Variants in PRKCB observed in about 807,000 individuals in gnomAD.
PRKCB encodes protein kinase C beta type.
A neutral mutation model predicts 81.5 loss-of-function variants in PRKCB; 13 were observed. The ratio of observed to expected loss-of-function variants is 0.16; its 90% CI spans 0.10 to 0.25. The LOEUF is 0.25. Ranked by LOEUF, PRKCB falls within the 10% of genes least tolerant of loss-of-function variation. The probability of loss-of-function intolerance (pLI) is 1.00; values close to 1 mark genes in which losing one functional copy is unlikely to be tolerated. For synonymous variants in PRKCB, 335 were observed against 321.4 expected (o/e 1.04, Z -0.45); for missense variants, 509 against 875.7 (o/e 0.58, Z 5.29).
intron 3 of PRKCB, among the ~76,000 whole-genome samples, chr16:24,002,320 T>C (rs1567340362): frequency 4.0e-5 from 5 of 125,094 alleles, no homozygotes; most frequent in African/African-American, 1.4e-4. Context: ...TGTATGTGTG[T>C]GTGCGTGCGT....
chr16:24,023,257 A>G (rs1021385), intron 3 of PRKCB, among the ~76,000 whole-genome samples: 112,156 of 152,172 alleles, frequency 0.74, 42,009 homozygotes, highest in African/African-American at 0.86. Context: ...AACCCCATAG[A>G]GGGAGTGATG....
chr16:24,095,621 A>G (rs1193417454), intron 7 of PRKCB, among the ~76,000 whole-genome samples: 1 of 152,226 alleles, frequency 6.6e-6, no homozygotes, highest in Non-Finnish European at 1.5e-5. Context: ...AGCAGAATTC[A>G]GGCTCCTTTC....
intron 2 of PRKCB, among the ~76,000 whole-genome samples, chr16:23,855,206 A>T (rs1399237593): frequency 6.6e-6 from 1 of 152,074 alleles, no homozygotes; most frequent in Non-Finnish European, 1.5e-5. Context: ...AGTTCTTGCA[A>T]CACAGTGTGG....
intron 3 of PRKCB, among the ~76,000 whole-genome samples, chr16:24,003,655 G>C (rs1965071669): frequency 6.6e-6 from 1 of 152,080 alleles, no homozygotes; most frequent in African/African-American, 2.4e-5. Context: ...AAAGTGCTAG[G>C]ATTACAGGCG....
At chr16:24,115,772 C>A (rs911419929) in intron 8 of PRKCB, among the ~76,000 whole-genome samples, 4 of 152,140 alleles carry the variant, frequency 2.6e-5, no homozygotes, top group African/African-American at 9.7e-5. Context: ...GTCACCCAGG[C>A]TGGAGTGCAC....
intron 2 of PRKCB, among the ~76,000 whole-genome samples, chr16:23,878,354 T>G (rs1047131058): frequency 3.3e-5 from 5 of 152,168 alleles, no homozygotes; most frequent in African/African-American, 1.2e-4. Context: ...AACATCTAAC[T>G]CACTGCCAAC....
intron 10 of PRKCB, among the ~76,000 whole-genome samples, chr16:24,164,469 G>C (rs1967311842): frequency 6.6e-6 from 1 of 152,216 alleles, no homozygotes; most frequent in South Asian, 2.1e-4. Context: ...ATAGTGTAAT[G>C]AAGAATCACA....
rs1405977612 is a variant in PRKCB at position 24,216,077 on chromosome 16, C to T, written c.*1261C>T. Reference sequence around the variant, plus strand: ...GTGGACCTAAACTACAAAGTGGGAACTGAGGAGGGAACTCAGGAGAAAGGA... The same window carrying T: ...GTGGACCTAAACTACAAAGTGGGAATTGAGGAGGGAACTCAGGAGAAAGGA... On this transcript the variant is annotated 3_prime_UTR_variant, in exon 17 of 17. Coordinates refer to ENST00000643927, the MANE Select transcript of PRKCB (RefSeq NM_002738.7). 3 of 985,072 alleles carry T rather than the reference C, an allele frequency of 3.0e-6. No homozygotes were observed. Among genetic ancestry groups the T allele is most frequent in the East Asian group, 2.3e-4 (2 of 8,800 alleles). 61.0% of individuals were successfully genotyped at this position (985,072 alleles called of 1,614,324 possible). A position where few individuals can be genotyped will look rare whatever the true frequency, so the allele number is the denominator to read the frequency against.
At chr16:23,860,114 TCTTATC>T (rs1962640584) in intron 2 of PRKCB, among the ~76,000 whole-genome samples, 1 of 152,186 alleles carries the variant, frequency 6.6e-6, no homozygotes, top group Admixed American at 6.5e-5. Flanking sequence ...CAGGCAAATT[TCTTATC>T]CTTAGCTTCT....
At position 24,112,992 on chromosome 16, in the gene PRKCB, G is replaced by A; in HGVS notation, c.841G>A (p.Glu281Lys). 1 of 1,611,706 alleles carries A rather than the reference G, an allele frequency of 6.2e-7. No individual in the cohort carries two copies. The highest frequency in any genetic ancestry group is 1.1e-5 in the South Asian group (1 of 90,782). The change falls in exon 8 of 17, where the codon GAG becomes AAG. Residue 281 changes from glutamate to lysine, a missense_variant. By Grantham distance (56) the Glu-to-Lys change is moderately conservative. Transcript: ENST00000643927. ...CTTCAGGTTTAAGTTACTGAGCCAGGAGGAAGGCGAGTACTTCAATGTGCC... is the reference window on the plus strand; with the variant it reads ...CTTCAGGTTTAAGTTACTGAGCCAGAAGGAAGGCGAGTACTTCAATGTGCC... ...VDGWFKLLSQ[E>K]EGEYFNVPVP...
At chr16:23,838,625 T>A (rs1449209596) in intron 2 of PRKCB, among the ~76,000 whole-genome samples, 1 of 152,216 alleles carries the variant, frequency 6.6e-6, no homozygotes, top group Non-Finnish European at 1.5e-5. Flanking sequence ...CTGACGTGAT[T>A]TAGCACTGAC....
At chr16:24,046,544 A>G (rs1174776062) in intron 5 of PRKCB, among the ~76,000 whole-genome samples, 1 of 152,216 alleles carries the variant, frequency 6.6e-6, no homozygotes, top group African/African-American at 2.4e-5. Flanking sequence ...GACCTCAGGG[A>G]CCAGCAGGAG....
chr16:23,974,353 C>T (rs750676803), intron 2 of PRKCB, among the ~76,000 whole-genome samples: 1 of 152,086 alleles, frequency 6.6e-6, no homozygotes, highest in Admixed American at 6.5e-5. Flanking sequence ...TTCCTGAAGT[C>T]CCTTGGATTG....
chr16:24,072,638 A>G (rs539483636), intron 5 of PRKCB, among the ~76,000 whole-genome samples: 99 of 150,428 alleles, frequency 6.6e-4, no homozygotes, highest in African/African-American at 2.2e-3. Flanking sequence ...CTGGAGTGCA[A>G]TGGCATGATC....
chr16:24,141,684 G>C (rs1013074180), intron 9 of PRKCB, among the ~76,000 whole-genome samples: 10 of 152,236 alleles, frequency 6.6e-5, no homozygotes, highest in African/African-American at 2.2e-4. Context: ...TTTCCCTTGA[G>C]ATTTTAGAAG....
chr16:23,945,411 G>A (rs1964192303), intron 2 of PRKCB, among the ~76,000 whole-genome samples: 1 of 152,200 alleles, frequency 6.6e-6, no homozygotes. Flanking sequence ...ATTTGTCACA[G>A]CCGTGAAAAT....
At chr16:24,007,074 A>G (rs1179204858) in intron 3 of PRKCB, among the ~76,000 whole-genome samples, 2 of 152,202 alleles carry the variant, frequency 1.3e-5, no homozygotes, top group Non-Finnish European at 2.9e-5. Context: ...AACCAGAATG[A>G]CTGAGTTTGA....
At chr16:24,130,875 A>C (rs2238490) in intron 9 of PRKCB, among the ~76,000 whole-genome samples, 14,052 of 152,174 alleles carry the variant, frequency 0.092, 832 homozygotes, top group East Asian at 0.24. Flanking sequence ...CCGGGAGAAC[A>C]ATTTGGGTGG....
intron 2 of PRKCB, among the ~76,000 whole-genome samples, chr16:23,904,867 G>T (rs1963532300): frequency 6.6e-6 from 1 of 152,018 alleles, no homozygotes; most frequent in South Asian, 2.1e-4. Flanking sequence ...AGGACAGATG[G>T]AGATGATCTG....
Sources: gnomAD v4.1 joint callset for allele counts (sites outside exome capture counted in the v4.1 genomes callset) on GRCh38, gnomAD v4.1.1 for gene constraint, MANE v1.5 for transcripts, NCBI Gene and HGNC (gene_info 2026-07-23, HGNC 2026-07-21) for gene names.